LONP2: variants seen among roughly 807,000 people sequenced by gnomAD.
LONP2 encodes the protein lon peptidase 2, peroxisomal, also known as lon protease homolog 2, peroxisomal.
In LONP2, 60 loss-of-function variants were observed where a neutral mutation model predicts 85.6. The ratio of observed to expected loss-of-function variants is 0.70; its 90% CI spans 0.57 to 0.87. The LOEUF (loss-of-function observed/expected upper bound fraction) is 0.87. LONP2 is among the 40% of genes least tolerant of loss of function. The pLI is 0.00. For synonymous variants in LONP2, 395 were observed against 389.7 expected, an observed-to-expected ratio of 1.01 and a Z score of -0.16; for missense variants, 860 against 1,063.5, an observed-to-expected ratio of 0.81 and a Z score of 2.66.
At position 48,256,591 on chromosome 16, in the gene LONP2, C is replaced by CT. The variant is rs759469371; in HGVS notation, c.469-12dup. 3.1e-6 allele frequency: 5 copies of CT among 1,605,018 alleles called. No individual in the cohort carries two copies. Among genetic ancestry groups the CT allele is most frequent in the Non-Finnish European group, 3.4e-6 (4 of 1,177,406 alleles). Reference sequence around the variant, plus strand: ...ATAATGCCAGATTTCATTTAAAAGACTTTTTTTCCCCCTTCTAGTTGGTTG... The same window carrying CT: ...ATAATGCCAGATTTCATTTAAAAGACTTTTTTTTCCCCCTTCTAGTTGGTTG... On this transcript the variant is annotated intron_variant, in intron 2 of 14. Transcript: ENST00000285737.
At chr16:48,278,442 C>T (rs1199682510) in intron 8 of LONP2, among the ~76,000 whole-genome samples, 1 of 152,080 alleles carries the variant, frequency 6.6e-6, no homozygotes, top group African/African-American at 2.4e-5. Context: ...GGTGTTAACT[C>T]CCTGATAGTT....
intron 7 of LONP2, 144 bp downstream of exon 7, chr16:48,270,418 G>A: frequency 1.1e-6 from 1 of 906,808 alleles, no homozygotes; most frequent in Non-Finnish European, 1.7e-6. Context: ...TTTACAAGAA[G>A]TATCAGCTAG....
intron 1 of LONP2, among the ~76,000 whole-genome samples, chr16:48,248,661 A>G (rs1971534066): frequency 6.6e-6 from 1 of 152,130 alleles, no homozygotes; most frequent in Non-Finnish European, 1.5e-5. Flanking sequence ...AACTAACATC[A>G]TTGCAGGAAG....
At chr16:48,312,929 G>A (rs1973064754) in intron 11 of LONP2, among the ~76,000 whole-genome samples, 1 of 152,138 alleles carries the variant, frequency 6.6e-6, no homozygotes, top group Non-Finnish European at 1.5e-5. Context: ...TAGATTGTGG[G>A]GTGAAGCCAG....
chr16:48,335,219 G>T (rs369634806), intron 12 of LONP2, among the ~76,000 whole-genome samples: 4 of 152,212 alleles, frequency 2.6e-5, no homozygotes, highest in African/African-American at 9.7e-5. Flanking sequence ...CTTGGGGGAA[G>T]AGGCGGGGAA....
At chr16:48,267,357 T>G (rs1972011448) in intron 6 of LONP2, among the ~76,000 whole-genome samples, 1 of 152,170 alleles carries the variant, frequency 6.6e-6, no homozygotes, top group South Asian at 2.1e-4. Context: ...TGGAGTGCAG[T>G]GGTGTGATCT....
chr16:48,267,511 G>C (rs1223518222), intron 6 of LONP2, among the ~76,000 whole-genome samples: 1 of 152,098 alleles, frequency 6.6e-6, no homozygotes, highest in South Asian at 2.1e-4. Context: ...CATTGGCCAG[G>C]CTGGTCTCGA....
chr16:48,339,666 G>C (rs1447368637), intron 12 of LONP2, among the ~76,000 whole-genome samples: 1 of 152,196 alleles, frequency 6.6e-6, no homozygotes, highest in African/African-American at 2.4e-5. Context: ...GAAAGTGAGA[G>C]GGGGTGGGAC....
chr16:48,339,635 C>T (rs1280170081), intron 12 of LONP2, among the ~76,000 whole-genome samples: 4 of 151,980 alleles, frequency 2.6e-5, no homozygotes, highest in African/African-American at 4.8e-5. Flanking sequence ...AGCAGTGGTA[C>T]GATAGAAACA....
intron 4 of LONP2, among the ~76,000 whole-genome samples, chr16:48,261,076 G>A (rs1683190783): frequency 6.6e-6 from 1 of 152,174 alleles, no homozygotes; most frequent in Non-Finnish European, 1.5e-5. Context: ...AAGAAGTAAT[G>A]TATTTCAAGA....
intron 8 of LONP2, among the ~76,000 whole-genome samples, chr16:48,293,262 A>G (rs1972593928): frequency 6.6e-6 from 1 of 152,076 alleles, no homozygotes; most frequent in Non-Finnish European, 1.5e-5. Context: ...CCCCATCTCT[A>G]CTAAAAATAC....
rs758765536 is a variant in LONP2 at position 48,258,642 on chromosome 16, G to A, written c.625G>A (p.Glu209Lys). The change falls in exon 4 of 15, where the codon GAG becomes AAG. Residue 209 changes from glutamate (E) to lysine (K), a missense_variant. Coordinates refer to ENST00000285737, the MANE Select transcript of LONP2 (RefSeq NM_031490.5). ...GATTTTAGATGCTGTGAGCCTAGAG[G>A]AGCGGTTCAAGATGACTATACCACT... ...LQILDAVSLE[E>K]RFKMTIPLLV... 3 of 1,604,082 alleles carry A rather than the reference G, an allele frequency of 1.9e-6. No individual in the cohort carries two copies. Among genetic ancestry groups the A allele is most frequent in the Non-Finnish European group, 2.6e-6 (3 of 1,176,124 alleles).
chr16:48,272,357 C>A lies in LONP2; in HGVS notation c.1241+2083C>A, dbSNP rs534042857. ...GGAAAATGCATTTTTCTGTTGCCTA[C>A]TAATGGACAGTGTATAGTGTCATGG... On this transcript the variant is annotated intron_variant, in intron 7 of 14. Coordinates refer to ENST00000285737, the MANE Select transcript of LONP2 (RefSeq NM_031490.5). Among the ~76,000 whole-genome samples the A allele has an allele frequency of 1.4e-4, 21 of 152,230 alleles. No individual in the cohort carries two copies. The South Asian group carries it at 4.1e-3, about 30-fold the overall frequency.
intron 11 of LONP2, among the ~76,000 whole-genome samples, chr16:48,310,181 G>A (rs1246149768): frequency 6.6e-6 from 1 of 151,914 alleles, no homozygotes; most frequent in African/African-American, 2.4e-5. Flanking sequence ...CCTTCAGTCT[G>A]TGTGTCTTTA....
intron 4 of LONP2, among the ~76,000 whole-genome samples, chr16:48,260,121 TA>T (rs1423554040): frequency 1.3e-5 from 2 of 152,176 alleles, no homozygotes; most frequent in Non-Finnish European, 2.9e-5. Context: ...ATCTCACTTT[TA>T]AAAAATATAT....
chr16:48,319,849 A>AT, intron 11 of LONP2, among the ~76,000 whole-genome samples: 1 of 152,100 alleles, frequency 6.6e-6, no homozygotes, highest in East Asian at 1.9e-4. Context: ...GACACAGATT[A>AT]TTTTTTGTGC....
At chr16:48,267,071 G>A (rs986590236) in intron 6 of LONP2, among the ~76,000 whole-genome samples, 1 of 152,140 alleles carries the variant, frequency 6.6e-6, no homozygotes, top group African/African-American at 2.4e-5. Context: ...TTAGTTGAAA[G>A]GAAACATTTC....
At chr16:48,307,973 C>G (rs545126397) in intron 11 of LONP2, among the ~76,000 whole-genome samples, 1 of 152,232 alleles carries the variant, frequency 6.6e-6, no homozygotes, top group South Asian at 2.1e-4. Flanking sequence ...GAGCCAGGGA[C>G]CTTTTAACAA....
intron 11 of LONP2, among the ~76,000 whole-genome samples, chr16:48,316,158 C>A (rs546574204): frequency 1.8e-4 from 27 of 151,658 alleles, no homozygotes; most frequent in African/African-American, 6.5e-4. Flanking sequence ...CAGGCGTGTA[C>A]CACCATACCC....
Sources: gnomAD v4.1 joint callset for allele counts (sites outside exome capture counted in the v4.1 genomes callset) on GRCh38, gnomAD v4.1.1 for gene constraint, MANE v1.5 for transcripts, NCBI Gene and HGNC (gene_info 2026-07-23, HGNC 2026-07-21) for gene names.